PDE4D: variants seen among roughly 807,000 people sequenced by gnomAD.
PDE4D encodes phosphodiesterase 4D, also known as 3',5'-cyclic-AMP phosphodiesterase 4D.
In PDE4D, 24 loss-of-function variants were observed where a neutral mutation model predicts 87.4. The ratio of observed to expected loss-of-function variants is 0.27; its 90% CI spans 0.20 to 0.39. The LOEUF is 0.39. PDE4D is among the 10% of genes least tolerant of loss of function. The probability of loss-of-function intolerance (pLI) is 1.00; values close to 1 mark genes in which losing one functional copy is unlikely to be tolerated. For synonymous variants in PDE4D, 384 were observed against 383.2 expected (o/e 1.00, Z -0.02); for missense variants, 714 against 1,041.0 (o/e 0.69, Z 4.32).
chr5:59,425,744 C>T (rs1291812089), intron 1 of PDE4D, among the ~76,000 whole-genome samples: 1 of 152,158 alleles, frequency 6.6e-6, no homozygotes, highest in Non-Finnish European at 1.5e-5. Context: ...TCCGCAATGC[C>T]TCCCTCGTGC....
chr5:60,003,707 T>TAAAAAA (rs35100447), intron 2 of PDE4D, among the ~76,000 whole-genome samples: 1 of 104,266 alleles, frequency 9.6e-6, no homozygotes, highest in African/African-American at 3.5e-5. Context: ...AGACTCCATC[T>TAAAAAA]AAAAAAAAAA....
chr5:60,483,754 G>A (rs914939586), intron 1 of PDE4D, among the ~76,000 whole-genome samples: 3 of 152,164 alleles, frequency 2.0e-5, no homozygotes, highest in African/African-American at 7.2e-5. Context: ...GTTCTCTCAT[G>A]AATTTCTGGG....
rs527531238 is a variant in PDE4D, at chr5:59,602,655, A to G, written c.455+290513T>C. On this transcript the variant is annotated intron_variant, in intron 1 of 14. Coordinates refer to ENST00000340635, the MANE Select transcript of PDE4D (RefSeq NM_001104631.2). Reference sequence around the variant, plus strand: ...CATTATAAGCCCTATCAAAATTCCAATACCATTCTTCACAGAAACAGAAAA... The same window carrying G: ...CATTATAAGCCCTATCAAAATTCCAGTACCATTCTTCACAGAAACAGAAAA... Among the ~76,000 whole-genome samples, 36 of 152,168 alleles carry G rather than the reference A, an allele frequency of 2.4e-4. No individual in the cohort carries two copies. In the South Asian group the frequency reaches 6.0e-3, roughly 25 times the overall value.
intron 2 of PDE4D, among the ~76,000 whole-genome samples, chr5:60,020,965 C>T (rs886300774): frequency 6.6e-6 from 1 of 152,158 alleles, no homozygotes; most frequent in Non-Finnish European, 1.5e-5. Flanking sequence ...TGCCCACCTC[C>T]AATCAGTAAA....
chr5:59,525,540 G>A (rs1386136882), intron 1 of PDE4D, among the ~76,000 whole-genome samples: 1 of 152,192 alleles, frequency 6.6e-6, no homozygotes, highest in Non-Finnish European at 1.5e-5. Flanking sequence ...TTGAGTTAAC[G>A]CTGAAATGAG....
At chr5:59,207,909 G>A (rs564316051) in intron 2 of PDE4D, among the ~76,000 whole-genome samples, 19 of 151,476 alleles carry the variant, frequency 1.3e-4, no homozygotes, top group Middle Eastern at 3.4e-3. Flanking sequence ...TGTAATCCCA[G>A]CACTTTGGGA....
chr5:60,194,391 C>A lies in PDE4D; in HGVS notation c.-89-8704G>T, dbSNP rs571154832. Among the ~76,000 whole-genome samples, 3 of 151,852 alleles carry A rather than the reference C, an allele frequency of 2.0e-5. No homozygotes were observed. In the South Asian group the frequency reaches 6.2e-4, roughly 32 times the overall value. ...GGTTCTCCAACTGACTGCTCAACTT[C>A]TTGCTACTTCACGGGGTCTTCTTAT... On this transcript the variant is annotated intron_variant, in intron 1 of 16. Coordinates refer to the PDE4D transcript ENST00000502484.
chr5:60,494,208 A>G (rs1749691341), intron 1 of PDE4D, among the ~76,000 whole-genome samples: 1 of 152,216 alleles, frequency 6.6e-6, no homozygotes, highest in Non-Finnish European at 1.5e-5. Flanking sequence ...GAATGAGCTA[A>G]GCTAAGTCTC....
intron 1 of PDE4D, among the ~76,000 whole-genome samples, chr5:60,291,615 T>G (rs1045590309): frequency 6.6e-6 from 1 of 151,906 alleles, no homozygotes; most frequent in Non-Finnish European, 1.5e-5. Context: ...AAAGACAGGT[T>G]TTTAAATTTC....
chr5:59,827,557 A>G (rs75909862), intron 1 of PDE4D, among the ~76,000 whole-genome samples: 3,559 of 152,228 alleles, frequency 0.023, 136 homozygotes, highest in African/African-American at 0.082. Flanking sequence ...TTTGTCTAAT[A>G]CTCACTCAAT....
At chr5:59,252,754 T>G (rs1164615305) in intron 1 of PDE4D, among the ~76,000 whole-genome samples, 3 of 152,100 alleles carry the variant, frequency 2.0e-5, no homozygotes, top group Non-Finnish European at 4.4e-5. Context: ...CTTACATTCC[T>G]GGACTCAAGT....
At chr5:59,363,182 G>A (rs1231227148) in intron 1 of PDE4D, among the ~76,000 whole-genome samples, 1 of 152,124 alleles carries the variant, frequency 6.6e-6, no homozygotes, top group Non-Finnish European at 1.5e-5. Context: ...GTTCTCATTT[G>A]AGAGAGAGCC....
rs1450040350 is a variant in PDE4D, at chr5:59,102,080, ACTT to A, written c.809-63112_809-63110del. On this transcript the variant is annotated intron_variant, in intron 5 of 14. Coordinates refer to ENST00000340635, the MANE Select transcript of PDE4D (RefSeq NM_001104631.2). ...CTCTGAAACTGTTAATTTTTTCCCT[ACTT>A]TTTTTTTTTTTTTTTTTTTTGAGAC... Among the ~76,000 whole-genome samples, 48 of 93,512 alleles carry A rather than the reference ACTT, an allele frequency of 5.1e-4. 1 individual carries two copies. Among genetic ancestry groups the A allele is most frequent in the African/African-American group, 1.7e-3 (45 of 27,230 alleles). The allele number at this position is 93,512 out of a possible 152,430, so 61.3% of individuals were successfully genotyped here. A position where few individuals can be genotyped will look rare whatever the true frequency, so the allele number is the denominator to read the frequency against.
chr5:60,183,048 G>A (rs79672674), intron 2 of PDE4D, among the ~76,000 whole-genome samples: 3,336 of 152,180 alleles, frequency 0.022, 125 homozygotes, highest in African/African-American at 0.076. Flanking sequence ...CCCTAATGAT[G>A]GGATTAGTGA....
At chr5:59,900,670 C>T (rs1195441061) in intron 3 of PDE4D, among the ~76,000 whole-genome samples, 1 of 152,128 alleles carries the variant, frequency 6.6e-6, no homozygotes, top group Non-Finnish European at 1.5e-5. Flanking sequence ...TACTCAGTTG[C>T]TAAATGTCCA....
chr5:59,953,245 A>G lies in PDE4D; in HGVS notation c.272+35243T>C, dbSNP rs183468791. ...GTTTCATGTTTATGTGAGAAAAGTG[A>G]AAATGGGAATTGGGTTCTAGTTATT... On this transcript the variant is annotated intron_variant, in intron 3 of 16. Coordinates refer to the PDE4D transcript ENST00000502484. Among the ~76,000 whole-genome samples, 4 of 152,314 alleles carry G rather than the reference A, an allele frequency of 2.6e-5. No individual in the cohort carries two copies. The East Asian group carries it at 7.7e-4, about 29-fold the overall frequency.
chr5:60,323,852 T>TTTTTTTTTTTTTTTTTTTTTTGA (rs1562324521), intron 1 of PDE4D, among the ~76,000 whole-genome samples: 1 of 151,544 alleles, frequency 6.6e-6, no homozygotes, highest in African/African-American at 2.4e-5. Context: ...TACAGGGTTT[T>TTTTTTTTTTTTTTTTTTTTTTGA]GTCTCCTCTG....
At chr5:59,921,465 T>C (rs190848186) in intron 3 of PDE4D, among the ~76,000 whole-genome samples, 1 of 152,254 alleles carries the variant, frequency 6.6e-6, no homozygotes, top group East Asian at 1.9e-4. Flanking sequence ...ATACGCAATA[T>C]TGATTTATAG....
At chr5:60,400,374 T>C (rs2150044554) in intron 1 of PDE4D, among the ~76,000 whole-genome samples, 1 of 151,448 alleles carries the variant, frequency 6.6e-6, no homozygotes, top group South Asian at 2.1e-4. Flanking sequence ...TACAAAAAAT[T>C]AGCCAGGCGT....
Sources: allele counts gnomAD v4.1 joint callset (sites outside exome capture counted in the v4.1 genomes callset), GRCh38; gene constraint gnomAD v4.1.1; transcripts MANE v1.5; gene names NCBI Gene and HGNC (gene_info 2026-07-23, HGNC 2026-07-21).